The following SLC16A12 variants were observed in gnomAD, a reference collection of about 807,000 sequenced individuals.
SLC16A12 encodes the protein solute carrier family 16 member 12, also known as monocarboxylate transporter 12.
A neutral mutation model predicts 42.4 loss-of-function variants in SLC16A12; 17 were observed. That is an observed-to-expected ratio of 0.40 (90% CI 0.27 to 0.60). The LOEUF (loss-of-function observed/expected upper bound fraction) is 0.60. SLC16A12 is among the 20% of genes least tolerant of loss of function. The pLI is 0.42. For missense variants in SLC16A12, 544 were observed against 623.0 expected (o/e 0.87, Z 1.35); for synonymous variants, 224 against 229.4 (o/e 0.98, Z 0.21).
intron 1 of SLC16A12, among the ~76,000 whole-genome samples, 175 bp from the exon 2 acceptor site, chr10:89,534,815 C>G (rs1051349284): frequency 1.1e-4 from 17 of 151,952 alleles, no homozygotes; most frequent in South Asian, 4.1e-4. Flanking sequence ...GGCGACAGAG[C>G]GAGACCTTGT....
At chr10:89,540,654 T>C (rs77813612) in intron 2 of SLC16A12, among the ~76,000 whole-genome samples, 3,344 of 152,278 alleles carry the variant, frequency 0.022, 108 homozygotes, top group African/African-American at 0.077. Flanking sequence ...ACACCATCAC[T>C]TGGAGATTTT....
intron 5 of SLC16A12, among the ~76,000 whole-genome samples, chr10:89,439,657 A>G (rs1841869800): frequency 1.3e-5 from 2 of 152,226 alleles, no homozygotes; most frequent in South Asian, 2.1e-4. Flanking sequence ...GTAATTTTAC[A>G]TAGTTGGGAA....
intron 2 of SLC16A12, among the ~76,000 whole-genome samples, chr10:89,501,417 T>C (rs1842989429): frequency 6.6e-6 from 1 of 152,154 alleles, no homozygotes; most frequent in Non-Finnish European, 1.5e-5. Context: ...CATAAGGCCA[T>C]AGTTACCAAA....
chr10:89,513,721 G>T (rs1589719074), intron 2 of SLC16A12, among the ~76,000 whole-genome samples: 1 of 152,142 alleles, frequency 6.6e-6, no homozygotes, highest in Admixed American at 6.6e-5. Context: ...GAGACCAGTA[G>T]AACAAGGGAC....
intron 3 of SLC16A12, among the ~76,000 whole-genome samples, chr10:89,456,658 G>A (rs1410263808): frequency 6.6e-6 from 1 of 151,964 alleles, no homozygotes; most frequent in African/African-American, 2.4e-5. Context: ...TAAGTATTAA[G>A]CCCAGCATGC....
At chr10:89,502,808 C>T (rs1438832771) in intron 2 of SLC16A12, among the ~76,000 whole-genome samples, 1 of 152,156 alleles carries the variant, frequency 6.6e-6, no homozygotes, top group Non-Finnish European at 1.5e-5. Context: ...GTTAATTTGG[C>T]AGAGGATCAG....
At chr10:89,511,871 A>C (rs143329566) in intron 2 of SLC16A12, among the ~76,000 whole-genome samples, 200 of 152,324 alleles carry the variant, frequency 1.3e-3, no homozygotes, top group African/African-American at 4.6e-3. Context: ...CCATGTTCAT[A>C]GACACATTAT....
chr10:89,441,759 G>A, intron 4 of SLC16A12, among the ~76,000 whole-genome samples: 1 of 152,140 alleles, frequency 6.6e-6, no homozygotes, highest in Non-Finnish European at 1.5e-5. Flanking sequence ...ACACCCTGTG[G>A]TTGAGATATC....
chr10:89,542,388 C>A (rs374744712), intron 2 of SLC16A12, among the ~76,000 whole-genome samples: 6 of 151,000 alleles, frequency 4.0e-5, no homozygotes, highest in African/African-American at 1.5e-4. Flanking sequence ...TGGCAACTGC[C>A]GTCTCCTGGA....
chr10:89,476,427 G>A (rs748009732), intron 2 of SLC16A12, among the ~76,000 whole-genome samples: 23 of 152,142 alleles, frequency 1.5e-4, no homozygotes, highest in Admixed American at 2.6e-4. Flanking sequence ...CGGAGAACTG[G>A]TGTTTGTAGG....
chr10:89,469,690 C>G (rs1265623123), intron 2 of SLC16A12, among the ~76,000 whole-genome samples: 1 of 152,126 alleles, frequency 6.6e-6, no homozygotes, highest in Admixed American at 6.5e-5. Flanking sequence ...GGAAAAATAC[C>G]AAGGGTGGGC....
intron 2 of SLC16A12, among the ~76,000 whole-genome samples, chr10:89,491,002 G>A (rs1471988253): frequency 6.6e-6 from 1 of 152,126 alleles, no homozygotes; most frequent in Non-Finnish European, 1.5e-5. Flanking sequence ...TATAACAAAA[G>A]ATGCCCCTAT....
At chr10:89,501,144 G>C (rs1026816510) in intron 2 of SLC16A12, among the ~76,000 whole-genome samples, 1 of 152,166 alleles carries the variant, frequency 6.6e-6, no homozygotes, top group Non-Finnish European at 1.5e-5. Context: ...ACTGCTCAGA[G>C]AAATCATAGA....
chr10:89,433,043 T>G lies in SLC16A12; in HGVS notation c.*21A>C. 3.7e-6 allele frequency: 6 copies of G among 1,613,848 alleles called. No homozygotes were observed. Among genetic ancestry groups the G allele is most frequent in the Non-Finnish European group, 5.1e-6 (6 of 1,179,980 alleles). On this transcript the variant is annotated 3_prime_UTR_variant, in exon 8 of 8. Transcript: ENST00000371790. ...CCCCACCTCTCTCAAACCTGAAGATTCTGGGGCTCAAGGCCTTTGGTCATG... is the reference window on the plus strand; with the variant it reads ...CCCCACCTCTCTCAAACCTGAAGATGCTGGGGCTCAAGGCCTTTGGTCATG...
Position 89,481,342 on chromosome 10 carries a change from AT to A in SLC16A12, c.-46-18719del, listed in dbSNP as rs911732363. Among the ~76,000 whole-genome samples, 25 of 151,484 alleles carry A rather than the reference AT, an allele frequency of 1.7e-4. 1 individual carries two copies. The highest frequency in any genetic ancestry group is 5.1e-4 in the African/African-American group (21 of 41,338). On this transcript the variant is annotated intron_variant, in intron 2 of 7. Coordinates refer to ENST00000371790, the MANE Select transcript of SLC16A12 (RefSeq NM_213606.4). ...TACATAGTGGCAACTAAGTGTGTAC[AT>A]TTTTTTTTCCATTTAACATCAGTTC...
chr10:89,490,160 G>A (rs773869026), intron 2 of SLC16A12, among the ~76,000 whole-genome samples: 2 of 152,222 alleles, frequency 1.3e-5, no homozygotes, highest in Non-Finnish European at 2.9e-5. Flanking sequence ...AGATGGATGA[G>A]CCTGAAGATT....
At chr10:89,526,507 C>A (rs559401060) in intron 2 of SLC16A12, among the ~76,000 whole-genome samples, 2 of 152,208 alleles carry the variant, frequency 1.3e-5, no homozygotes, top group Non-Finnish European at 2.9e-5. Context: ...CTTTTCAACA[C>A]AGATCCGCAG....
intron 2 of SLC16A12, among the ~76,000 whole-genome samples, chr10:89,497,778 G>A (rs923202605): frequency 2.0e-5 from 3 of 151,544 alleles, no homozygotes; most frequent in African/African-American, 7.3e-5. Context: ...AGGCCAAGTC[G>A]ATCTTCATTA....
chr10:89,489,877 T>C (rs1280446976), intron 2 of SLC16A12, among the ~76,000 whole-genome samples: 4 of 152,228 alleles, frequency 2.6e-5, no homozygotes, highest in Non-Finnish European at 5.9e-5. Context: ...CCTAAAGATA[T>C]GTCTAATGTC....
Sources: gnomAD v4.1 joint callset for allele counts (sites outside exome capture counted in the v4.1 genomes callset) on GRCh38, gnomAD v4.1.1 for gene constraint, MANE v1.5 for transcripts, NCBI Gene and HGNC (gene_info 2026-07-23, HGNC 2026-07-21) for gene names.